Variants in CTNNA3 observed in about 807,000 individuals in gnomAD.
CTNNA3 encodes catenin alpha-3.
CTNNA3 carries 76 observed loss-of-function variants against 95.7 expected under a neutral mutation model. That is an observed-to-expected ratio of 0.79 (90% confidence interval 0.66 to 0.96). The LOEUF (loss-of-function observed/expected upper bound fraction) is 0.96, where lower values mean the gene tolerates loss of function less well. Ranked by LOEUF, CTNNA3 falls within the 40% of genes least tolerant of loss-of-function variation. The probability of loss-of-function intolerance (pLI) is 0.00; values close to 1 mark genes in which losing one functional copy is unlikely to be tolerated. For missense variants in CTNNA3, 1,191 were observed against 1,089.8 expected (o/e 1.09, Z -1.31); for synonymous variants, 431 against 374.4 (o/e 1.15, Z -1.74).
chr10:67,220,798 G>C (rs868629902), intron 5 of CTNNA3, among the ~76,000 whole-genome samples: 2 of 152,110 alleles, frequency 1.3e-5, no homozygotes, highest in African/African-American at 4.8e-5. Flanking sequence ...CCTTAACCAA[G>C]TGATGAAATT....
chr10:67,296,858 C>T (rs918041580), intron 5 of CTNNA3, among the ~76,000 whole-genome samples: 5 of 142,260 alleles, frequency 3.5e-5, no homozygotes, highest in East Asian at 2.2e-4. Context: ...CGCTTCAACC[C>T]GGGAGGCAGA....
At chr10:66,083,830 T>A (rs748931676) in intron 14 of CTNNA3, among the ~76,000 whole-genome samples, 17 of 152,084 alleles carry the variant, frequency 1.1e-4, no homozygotes, top group Non-Finnish European at 2.4e-4. Flanking sequence ...TCCAAGTGAT[T>A]TACATTAGAA....
At chr10:65,944,890 A>ATCTATCTATCTT (rs1468556802) in intron 17 of CTNNA3, among the ~76,000 whole-genome samples, 4 of 96,434 alleles carry the variant, frequency 4.1e-5, no homozygotes, top group African/African-American at 1.3e-4. Context: ...CTATCTATCT[A>ATCTATCTATCTT]TCTATCTATC....
At chr10:67,017,182 T>C (rs1356844895) in intron 7 of CTNNA3, among the ~76,000 whole-genome samples, 1 of 152,194 alleles carries the variant, frequency 6.6e-6, no homozygotes, top group Non-Finnish European at 1.5e-5. Context: ...TTTTGTGATT[T>C]CCAAAGTGTT....
intron 7 of CTNNA3, among the ~76,000 whole-genome samples, chr10:67,025,871 A>G (rs1589623006): frequency 1.3e-5 from 2 of 149,572 alleles, no homozygotes; most frequent in East Asian, 3.9e-4. Flanking sequence ...ATGTCCAACA[A>G]TGATAGACTG....
intron 1 of CTNNA3, among the ~76,000 whole-genome samples, chr10:67,735,223 G>A (rs1022465975): frequency 1.3e-5 from 2 of 151,784 alleles, no homozygotes; most frequent in Admixed American, 6.6e-5. Flanking sequence ...AGCATCCTTT[G>A]AGAAATGGCA....
At chr10:66,303,795 G>A (rs923580434) in intron 12 of CTNNA3, among the ~76,000 whole-genome samples, 11 of 152,062 alleles carry the variant, frequency 7.2e-5, no homozygotes, top group Non-Finnish European at 1.0e-4. Flanking sequence ...GGGTTTCACC[G>A]TGTTAGCCAG....
At chr10:66,183,671 C>T (rs1366275872) in intron 13 of CTNNA3, among the ~76,000 whole-genome samples, 3 of 152,136 alleles carry the variant, frequency 2.0e-5, no homozygotes, top group Non-Finnish European at 4.4e-5. Context: ...CAGCAGTTTT[C>T]GAGAGTTTTT....
chr10:66,595,620 A>G (rs1033169766), intron 10 of CTNNA3, among the ~76,000 whole-genome samples: 2 of 152,042 alleles, frequency 1.3e-5, no homozygotes, highest in African/African-American at 4.8e-5. Context: ...TATAGGCGTC[A>G]GCCACCGCAC....
intron 5 of CTNNA3, among the ~76,000 whole-genome samples, chr10:67,521,221 A>C (rs890669218): frequency 3.9e-5 from 6 of 152,196 alleles, no homozygotes; most frequent in Admixed American, 1.3e-4. Context: ...ATCATGATGA[A>C]TATTAGGTTA....
intron 5 of CTNNA3, among the ~76,000 whole-genome samples, chr10:67,258,648 G>T (rs1317049950): frequency 6.6e-6 from 1 of 152,056 alleles, no homozygotes; most frequent in African/African-American, 2.4e-5. Context: ...AGTGATGTCT[G>T]CTTTATTCTA....
chr10:66,486,228 A>G (rs1291061269), intron 11 of CTNNA3, among the ~76,000 whole-genome samples: 2 of 152,208 alleles, frequency 1.3e-5, no homozygotes, highest in African/African-American at 4.8e-5. Context: ...ACTGAAAATC[A>G]TTTGTACAGC....
At chr10:66,857,423 A>AGGG (rs1469839786) in intron 7 of CTNNA3, among the ~76,000 whole-genome samples, 19 of 151,402 alleles carry the variant, frequency 1.3e-4, no homozygotes, top group African/African-American at 4.1e-4. Flanking sequence ...ACTTTAAAAT[A>AGGG]GTTTTTTGTA....
chr10:66,609,365 A>G (rs1844247320), intron 10 of CTNNA3, among the ~76,000 whole-genome samples: 1 of 148,088 alleles, frequency 6.8e-6, no homozygotes, highest in African/African-American at 2.5e-5. Flanking sequence ...ACCCAGCCAA[A>G]GGTCTATTAT....
At chr10:67,226,702 A>T (rs1864933863) in intron 5 of CTNNA3, among the ~76,000 whole-genome samples, 1 of 152,240 alleles carries the variant, frequency 6.6e-6, no homozygotes, top group African/African-American at 2.4e-5. Flanking sequence ...CCAAGCCACC[A>T]CTACAACAAC....
chr10:65,977,793 T>TA (rs2078235377), intron 16 of CTNNA3, among the ~76,000 whole-genome samples: 1 of 151,462 alleles, frequency 6.6e-6, no homozygotes, highest in African/African-American at 2.4e-5. Flanking sequence ...ATTAAAAAAA[T>TA]AATAAATAAA....
chr10:67,573,604 T>C (rs1564750697), intron 3 of CTNNA3, among the ~76,000 whole-genome samples: 1 of 151,954 alleles, frequency 6.6e-6, no homozygotes, highest in East Asian at 1.9e-4. Context: ...AACACTGGCA[T>C]ATGAGATGAA....
chr10:67,397,113 C>A (rs1168646766), intron 5 of CTNNA3, among the ~76,000 whole-genome samples: 1 of 151,946 alleles, frequency 6.6e-6, no homozygotes, highest in African/African-American at 2.4e-5. Flanking sequence ...AATATGGAAG[C>A]AACTTTGGAA....
intron 11 of CTNNA3, among the ~76,000 whole-genome samples, chr10:66,435,160 T>C (rs895528069): frequency 6.6e-6 from 1 of 152,192 alleles, no homozygotes; most frequent in Non-Finnish European, 1.5e-5. Flanking sequence ...GCTGGCCTCA[T>C]AAAATGAGTT....
Sources: gnomAD v4.1 joint callset for allele counts (sites outside exome capture counted in the v4.1 genomes callset) on GRCh38, gnomAD v4.1.1 for gene constraint, MANE v1.5 for transcripts, NCBI Gene and HGNC (gene_info 2026-07-23, HGNC 2026-07-21) for gene names.